The following PPP2R5C variants were observed in gnomAD, a reference collection of about 807,000 sequenced individuals.
PPP2R5C encodes protein phosphatase 2 regulatory subunit B'gamma, also known as serine/threonine-protein phosphatase 2A 56 kDa regulatory subunit gamma isoform.
PPP2R5C carries 7 observed loss-of-function variants against 68.9 expected under a neutral mutation model. The observed-to-expected ratio is 0.10, with a 90% confidence interval of 0.06 to 0.19. The LOEUF is 0.19. PPP2R5C is among the 10% of genes least tolerant of loss of function. The pLI is 1.00. For missense variants in PPP2R5C, 348 were observed against 641.3 expected (o/e 0.54, Z 4.94); for synonymous variants, 210 against 222.2 (o/e 0.95, Z 0.49).
chr14:101,855,206 CA>C (rs1439358469), intron 1 of PPP2R5C, among the ~76,000 whole-genome samples: 3 of 152,112 alleles, frequency 2.0e-5, no homozygotes, highest in Non-Finnish European at 4.4e-5. Flanking sequence ...TTTTCTAAAA[CA>C]AAAACTAATT....
chr14:101,843,345 TGTTA>T (rs1400631063), intron 1 of PPP2R5C: 1 of 179,288 alleles, frequency 5.6e-6, no homozygotes, highest in African/African-American at 2.4e-5. Context: ...AGATATCAAC[TGTTA>T]GAGATACGAA....
chr14:101,822,588 C>G (rs1193550918), intron 1 of PPP2R5C, among the ~76,000 whole-genome samples: 1 of 152,188 alleles, frequency 6.6e-6, no homozygotes, highest in Non-Finnish European at 1.5e-5. Flanking sequence ...TCCTTCCTCT[C>G]TTCCCGACTT....
intron 7 of PPP2R5C, among the ~76,000 whole-genome samples, chr14:101,893,902 G>C (rs1006346394): frequency 6.6e-6 from 1 of 152,210 alleles, no homozygotes; most frequent in Non-Finnish European, 1.5e-5. Flanking sequence ...TGCAGTGGGC[G>C]TCTTTGTTCA....
chr14:101,761,083 AG>A (rs2036500398), upstream of PPP2R5C, among the ~76,000 whole-genome samples: 1 of 11,962 alleles, frequency 8.4e-5, no homozygotes, highest in Non-Finnish European at 1.7e-4. Context: ...AGGGAAGGGG[AG>A]GGGAGGGAAG....
intron 1 of PPP2R5C, among the ~76,000 whole-genome samples, chr14:101,821,916 C>T (rs1376456939): frequency 2.6e-5 from 4 of 152,048 alleles, no homozygotes; most frequent in African/African-American, 9.7e-5. Context: ...TTATGCTTCA[C>T]CAAGCTGCTG....
chr14:101,761,582 C>T (rs1344973441), upstream of PPP2R5C, among the ~76,000 whole-genome samples: 11 of 102,608 alleles, frequency 1.1e-4, no homozygotes, highest in Non-Finnish European at 2.2e-4. Flanking sequence ...CGGGGCCGGG[C>T]GCGGGGGTGG....
chr14:101,791,084 A>G (rs1276885270), intron 3 of PPP2R5C, among the ~76,000 whole-genome samples: 1 of 152,240 alleles, frequency 6.6e-6, no homozygotes, highest in African/African-American at 2.4e-5. Context: ...CGTCTCAAAA[A>G]AAGAAAAAAG....
chr14:101,790,011 T>C (rs2038286985), intron 3 of PPP2R5C: 1 of 151,610 alleles, frequency 6.6e-6, no homozygotes, highest in African/African-American at 2.4e-5. Context: ...TATAAGTTCA[T>C]TTATTCTTTT....
chr14:101,875,847 G>A (rs2043736120), intron 2 of PPP2R5C, among the ~76,000 whole-genome samples: 1 of 152,128 alleles, frequency 6.6e-6, no homozygotes, highest in Non-Finnish European at 1.5e-5. Context: ...CACATCAAAG[G>A]TTCCTCCGTT....
At chr14:101,872,404 A>AT (rs933427593) in intron 2 of PPP2R5C, among the ~76,000 whole-genome samples, 19 of 151,422 alleles carry the variant, frequency 1.3e-4, no homozygotes, top group Admixed American at 1.1e-3. Context: ...TGTCCAGCTA[A>AT]TTTTTTTACT....
At chr14:101,914,552 T>C (rs944558831) in intron 12 of PPP2R5C, 1 of 167,524 alleles carries the variant, frequency 6.0e-6, no homozygotes, top group Non-Finnish European at 1.3e-5. Flanking sequence ...GGAGAATTGG[T>C]TTGCGGGCTT....
At chr14:101,786,313 GTTT>G (rs150794694) in intron 3 of PPP2R5C, 130 bp downstream of exon 3, 55 of 549,452 alleles carry the variant, frequency 1.0e-4, no homozygotes, top group East Asian at 1.7e-4. Context: ...GTATTGAGGG[GTTT>G]TTTTTTTTTT....
chr14:101,906,096 G>T lies in PPP2R5C; in HGVS notation c.1024-306G>T, dbSNP rs1016319255. Among the ~76,000 whole-genome samples, 8 of 152,218 alleles carry T rather than the reference G, an allele frequency of 5.3e-5. No homozygotes were observed. Among genetic ancestry groups the T allele is most frequent in the Non-Finnish European group, 8.8e-5 (6 of 68,048 alleles). On this transcript the variant is annotated intron_variant, in intron 9 of 13. Coordinates refer to ENST00000334743, the Ensembl canonical transcript of PPP2R5C. The surrounding 1 kb of genome is among the most constrained non-coding windows in gnomAD (Gnocchi z 4.0). ...ACAGATGGGGGAGGCGGGTGGATAGGTGGAATGGCCTCCTTTGAGTTGTCT... is the reference window on the plus strand; with the variant it reads ...ACAGATGGGGGAGGCGGGTGGATAGTTGGAATGGCCTCCTTTGAGTTGTCT...
intron 12 of PPP2R5C, 155 bp downstream of exon 14, chr14:101,912,628 C>A: frequency 7.6e-7 from 1 of 1,319,566 alleles, no homozygotes; most frequent in Non-Finnish European, 9.7e-7. Context: ...CTTTGTAACC[C>A]TCCTTTTGTA....
At chr14:101,847,574 C>T (rs2041907925) in intron 1 of PPP2R5C, among the ~76,000 whole-genome samples, 1 of 152,002 alleles carries the variant, frequency 6.6e-6, no homozygotes, top group African/African-American at 2.4e-5. Flanking sequence ...ATCATCAGTG[C>T]CTAGCACAGT....
chr14:101,778,232 C>A (rs2037515282), intron 2 of PPP2R5C, among the ~76,000 whole-genome samples: 1 of 152,078 alleles, frequency 6.6e-6, no homozygotes. Context: ...TGGTGAAATG[C>A]CTGTTCAAGT....
rs190525489 is a variant in PPP2R5C at position 101,846,691 on chromosome 14, G to C, written c.95-9995G>C. 7.7e-4 allele frequency among the ~76,000 whole-genome samples: 118 copies of C among 152,336 alleles called. 1 individual carries two copies. Among genetic ancestry groups the C allele is most frequent in the African/African-American group, 2.7e-3 (113 of 41,574 alleles). ...ACCAAAAATGAGGGCTGGCAGGCCT[G>C]TACCGGGGAAGGCAGAGCTTGTGTG... On this transcript the variant is annotated intron_variant, in intron 1 of 13. Coordinates refer to ENST00000334743, the Ensembl canonical transcript of PPP2R5C.
At chr14:101,868,699 AT>A (rs1382626954) in intron 2 of PPP2R5C, among the ~76,000 whole-genome samples, 1 of 152,242 alleles carries the variant, frequency 6.6e-6, no homozygotes, top group Non-Finnish European at 1.5e-5. Flanking sequence ...CAGTGAAGAA[AT>A]TACTAAGACA....
intron 1 of PPP2R5C, among the ~76,000 whole-genome samples, chr14:101,853,990 AG>A (rs1484184416): frequency 1.4e-4 from 22 of 152,264 alleles, no homozygotes; most frequent in Non-Finnish European, 2.9e-5. Flanking sequence ...CTGGCAAATT[AG>A]GGTACAAACA....
Sources: gnomAD v4.1 joint callset for allele counts (sites outside exome capture counted in the v4.1 genomes callset) on GRCh38, gnomAD v4.1.1 for gene constraint, Gnocchi (gnomAD v3.1) non-coding constraint, MANE v1.5 for transcripts, NCBI Gene and HGNC (gene_info 2026-07-23, HGNC 2026-07-21) for gene names.